NUCKS1: variants seen among roughly 807,000 people sequenced by gnomAD.
NUCKS1 encodes nuclear casein kinase and cyclin dependent kinase substrate 1, also known as nuclear ubiquitous casein and cyclin-dependent kinase substrate 1.
NUCKS1 carries 2 observed loss-of-function variants against 33.0 expected under a neutral mutation model. The ratio of observed to expected loss-of-function variants is 0.06; its 90% CI spans 0.02 to 0.19. NUCKS1 has a LOEUF of 0.19. Among genes scored for constraint, NUCKS1 ranks in the 10% least tolerant of loss-of-function variants. The pLI, the probability that NUCKS1 is intolerant of heterozygous loss-of-function variation, is 1.00. For synonymous variants in NUCKS1, 106 were observed against 102.8 expected (o/e 1.03, Z -0.19); for missense variants, 201 against 293.6 (o/e 0.68, Z 2.31).
At chr1:205,749,617 T>TG (rs1237717560) in intron 1 of NUCKS1, among the ~76,000 whole-genome samples, 1 of 151,232 alleles carries the variant, frequency 6.6e-6, no homozygotes, top group Non-Finnish European at 1.5e-5. Context: ...CCCGAGGAGG[T>TG]GGGGCCTCTT....
intron 3 of NUCKS1, 103 bp from the exon 4 acceptor site, chr1:205,724,084 C>G: frequency 1.2e-6 from 1 of 852,514 alleles, no homozygotes; most frequent in Non-Finnish European, 2.0e-6. Context: ...AAAAATACCT[C>G]TTCTATATAA....
At chr1:205,732,331 T>C (rs1281107407) in intron 1 of NUCKS1, among the ~76,000 whole-genome samples, 1 of 152,166 alleles carries the variant, frequency 6.6e-6, no homozygotes, top group Non-Finnish European at 1.5e-5. Context: ...CTAGAGTAGA[T>C]GAATTCAGAG....
intron 1 of NUCKS1, among the ~76,000 whole-genome samples, chr1:205,736,913 A>G (rs532278973): frequency 6.6e-6 from 1 of 151,924 alleles, no homozygotes; most frequent in African/African-American, 2.4e-5. Context: ...CACTGGTTCT[A>G]TCTAGTTCCA....
At chr1:205,730,514 A>G (rs1197299824) in intron 1 of NUCKS1, among the ~76,000 whole-genome samples, 1 of 151,264 alleles carries the variant, frequency 6.6e-6, no homozygotes, top group Non-Finnish European at 1.5e-5. Flanking sequence ...TTTGAGATGA[A>G]GTCTTGCCCT....
intron 4 of NUCKS1, among the ~76,000 whole-genome samples, chr1:205,723,051 G>T (rs757117996): frequency 8.5e-5 from 13 of 152,188 alleles, no homozygotes; most frequent in Non-Finnish European, 1.6e-4. Flanking sequence ...ATGACTGAAA[G>T]CATATACTCT....
In NUCKS1 at chr1:205,750,051, C is replaced by CCCCCCCCCCCCCCA; in HGVS notation, c.-79_-78insTGGGGGGGGGGGGG. The CCCCCCCCCCCCCCA allele has an allele frequency of 7.9e-7, 1 of 1,264,764 alleles. No homozygotes were observed. Among genetic ancestry groups the CCCCCCCCCCCCCCA allele is most frequent in the Non-Finnish European group, 1.0e-6 (1 of 952,836 alleles). 78.3% of individuals were successfully genotyped at this position (1,264,764 alleles called of 1,614,324 possible). A position where few individuals can be genotyped will look rare whatever the true frequency, so the allele number is the denominator to read the frequency against. On this transcript the variant is annotated 5_prime_UTR_variant, in exon 1 of 7. Coordinates refer to ENST00000367142, the MANE Select transcript of NUCKS1 (RefSeq NM_022731.5). ...CACCCCGCGCGCTCGGCGCCCCACC[C>CCCCCCCCCCCCCCA]CCCCCGAACTTCAGCCGATGGGACC...
chr1:205,745,341 T>C (rs572958283), intron 1 of NUCKS1, among the ~76,000 whole-genome samples: 1 of 152,152 alleles, frequency 6.6e-6, no homozygotes, highest in South Asian at 2.1e-4. Flanking sequence ...TACAAAAAAT[T>C]AGCCAGGCGT....
chr1:205,719,782 A>AAC, intron 5 of NUCKS1, 106 bp from the exon 6 acceptor site: 1 of 1,213,902 alleles, frequency 8.2e-7, no homozygotes, highest in East Asian at 2.5e-5. Context: ...TTGGGAGTCA[A>AAC]ACACCCTTGG....
At chr1:205,719,868 C>T in intron 5 of NUCKS1, 192 bp from the exon 6 acceptor site, 1 of 544,830 alleles carries the variant, frequency 1.8e-6, no homozygotes, top group Non-Finnish European at 3.2e-6. Flanking sequence ...TTTGCATGCA[C>T]CTTACATGAG....
chr1:205,741,677 G>C (rs1211379572), intron 1 of NUCKS1, among the ~76,000 whole-genome samples: 1 of 152,188 alleles, frequency 6.6e-6, no homozygotes, highest in African/African-American at 2.4e-5. Context: ...CAGAATTTTG[G>C]AGAAGGGTAG....
chr1:205,732,327 T>C (rs1344696101), intron 1 of NUCKS1, among the ~76,000 whole-genome samples: 3 of 151,946 alleles, frequency 2.0e-5, no homozygotes, highest in Middle Eastern at 3.2e-3. Flanking sequence ...GGACCTAGAG[T>C]AGATGAATTC....
At chr1:205,727,576 A>G in intron 3 of NUCKS1, 124 bp downstream of exon 3, 1 of 704,524 alleles carries the variant, frequency 1.4e-6, no homozygotes, top group Non-Finnish European at 2.5e-6. Context: ...AATATGCAAA[A>G]TATTAAGTGG....
chr1:205,747,780 T>A (rs186090202), intron 1 of NUCKS1, among the ~76,000 whole-genome samples: 2 of 152,216 alleles, frequency 1.3e-5, no homozygotes, highest in Non-Finnish European at 2.9e-5. Flanking sequence ...TAAGGGAATA[T>A]AGATTCTTCA....
At chr1:205,727,053 T>C (rs1437697075) in intron 3 of NUCKS1, among the ~76,000 whole-genome samples, 1 of 152,098 alleles carries the variant, frequency 6.6e-6, no homozygotes, top group Non-Finnish European at 1.5e-5. Context: ...AGCCTTGAAC[T>C]CCTGGGCTCA....
At chr1:205,741,259 C>A (rs1384851615) in intron 1 of NUCKS1, among the ~76,000 whole-genome samples, 2 of 139,402 alleles carry the variant, frequency 1.4e-5, no homozygotes, top group East Asian at 4.2e-4. Context: ...GAGATCGCGC[C>A]ACTGCACTCC....
chr1:205,718,560 G>A, intron 6 of NUCKS1, 81 bp from the exon 7 acceptor site: 2 of 1,565,622 alleles, frequency 1.3e-6, no homozygotes, highest in South Asian at 1.2e-5. Context: ...ACAACAATCT[G>A]TAAGAATAAA....
intron 1 of NUCKS1, among the ~76,000 whole-genome samples, chr1:205,732,144 A>C (rs1163015634): frequency 6.6e-6 from 1 of 152,190 alleles, no homozygotes; most frequent in Admixed American, 6.5e-5. Context: ...TTAGAAAGAG[A>C]AAAAACAAGG....
At position 205,715,028 on chromosome 1, in the gene NUCKS1, C is replaced by T. The variant is rs1449928456; in HGVS notation, c.*3252G>A. On this transcript the variant is annotated 3_prime_UTR_variant, in exon 7 of 7. Coordinates refer to ENST00000367142, the MANE Select transcript of NUCKS1 (RefSeq NM_022731.5). ...GTAAACTGAAGTTTAAAGAAAAGCACGATTCCCATCCCCAACCAGTACTTG... is the reference window on the plus strand; with the variant it reads ...GTAAACTGAAGTTTAAAGAAAAGCATGATTCCCATCCCCAACCAGTACTTG... 1 of 152,058 alleles carries T rather than the reference C, an allele frequency of 6.6e-6. No individual in the cohort carries two copies. Among genetic ancestry groups the T allele is most frequent in the Admixed American group, 6.5e-5 (1 of 15,272 alleles). The allele number at this position is 152,058 out of a possible 1,614,324, so 9.4% of individuals were successfully genotyped here.
chr1:205,717,215 C>T lies in NUCKS1; in HGVS notation c.*1065G>A. ...TAAAAGCAGAGCATGGTTAATGGGA[C>T]CTGAATGCACATTTATAGCATAAAA... On this transcript the variant is annotated 3_prime_UTR_variant, in exon 7 of 7. Transcript: ENST00000367142. The T allele has an allele frequency of 1.2e-5, 8 of 641,654 alleles. No homozygotes were observed. The highest frequency in any genetic ancestry group is 1.6e-5 in the Non-Finnish European group (8 of 514,710). 39.7% of individuals were successfully genotyped at this position (641,654 alleles called of 1,614,324 possible).
Sources: allele counts gnomAD v4.1 joint callset (sites outside exome capture counted in the v4.1 genomes callset), GRCh38; gene constraint gnomAD v4.1.1; transcripts MANE v1.5; gene names NCBI Gene and HGNC (gene_info 2026-07-23, HGNC 2026-07-21).